Variants in NR3C2 observed in about 807,000 individuals in gnomAD.
NR3C2 encodes mineralocorticoid receptor.
NR3C2 carries 15 observed loss-of-function variants against 86.4 expected under a neutral mutation model. The ratio of observed to expected loss-of-function variants is 0.17; its 90% CI spans 0.12 to 0.27. The LOEUF is 0.27. Among genes scored for constraint, NR3C2 ranks in the 10% least tolerant of loss-of-function variants. The pLI, the probability that NR3C2 is intolerant of heterozygous loss-of-function variation, is 1.00. For missense variants in NR3C2, 960 were observed against 1,195.6 expected (o/e 0.80, Z 2.91); for synonymous variants, 458 against 450.5 (o/e 1.02, Z -0.21).
At chr4:148,386,856 T>TCCTGG (rs1747286482) in intron 2 of NR3C2, among the ~76,000 whole-genome samples, 1 of 152,166 alleles carries the variant, frequency 6.6e-6, no homozygotes, top group Non-Finnish European at 1.5e-5. Flanking sequence ...GTCATTCTCT[T>TCCTGG]ATACATGCCC....
intron 2 of NR3C2, among the ~76,000 whole-genome samples, chr4:148,402,320 C>G (rs1258016648): frequency 6.6e-6 from 1 of 152,160 alleles, no homozygotes; most frequent in African/African-American, 2.4e-5. Context: ...CAAGGTGAAG[C>G]ACTTAATACC....
intron 4 of NR3C2, among the ~76,000 whole-genome samples, chr4:148,158,853 A>G (rs1291866676): frequency 3.3e-5 from 5 of 152,166 alleles, no homozygotes; most frequent in Non-Finnish European, 7.4e-5. Context: ...TCGACATCAC[A>G]TTTAGCATTT....
intron 2 of NR3C2, among the ~76,000 whole-genome samples, chr4:148,313,100 A>G (rs776301686): frequency 5.9e-5 from 9 of 152,232 alleles, no homozygotes; most frequent in Non-Finnish European, 8.8e-5. Flanking sequence ...AGAATAAGCC[A>G]TACCTAAATG....
rs1736928246 is a variant in NR3C2 at position 148,204,973 on chromosome 4, C to G, written c.1898-10111G>C. The stretch of plus-strand genomic sequence containing the variant: ...TCTCAGTGATCAGATTTTTGCCCAA[C>G]CAGCTAATCCCTCAAGACCTCAAAA... On this transcript the variant is annotated intron_variant, in intron 3 of 8. Coordinates refer to ENST00000358102, the MANE Select transcript of NR3C2 (RefSeq NM_000901.5). Among the ~76,000 whole-genome samples the G allele has an allele frequency of 2.0e-5, 3 of 152,134 alleles. No homozygotes were observed. In the South Asian group the frequency reaches 6.2e-4, roughly 32 times the overall value.
At chr4:148,438,336 T>C (rs888102999) in intron 1 of NR3C2, among the ~76,000 whole-genome samples, 1 of 152,222 alleles carries the variant, frequency 6.6e-6, no homozygotes, top group Non-Finnish European at 1.5e-5. Context: ...CACCCTTGGC[T>C]GACAACCACC....
At chr4:148,096,394 A>T (rs1249502154) in intron 8 of NR3C2, among the ~76,000 whole-genome samples, 2 of 152,228 alleles carry the variant, frequency 1.3e-5, no homozygotes, top group African/African-American at 4.8e-5. Flanking sequence ...ACTTGTGTTT[A>T]TATGTTACCA....
intron 2 of NR3C2, among the ~76,000 whole-genome samples, chr4:148,384,576 C>T (rs766493991): frequency 2.6e-5 from 4 of 152,050 alleles, no homozygotes; most frequent in Admixed American, 2.6e-4. Flanking sequence ...GTACACATTC[C>T]AAACAAACAA....
chr4:148,289,170 AG>A (rs1741678239), intron 2 of NR3C2, among the ~76,000 whole-genome samples: 1 of 151,788 alleles, frequency 6.6e-6, no homozygotes. Flanking sequence ...TCACTAGGAT[AG>A]TAAGTTATGT....
Position 148,436,351 on chromosome 4 carries a change from G to C in NR3C2, c.510C>G (p.Ser170Arg), listed in dbSNP as rs1262812898. ...PLRSFMSDSG[S>R]SVNGGVMRAV... ...CGCGCATGACGCCACCATTCACGGA[G>C]CTCCCAGAGTCAGACATAAATGATC... is the stretch of plus-strand genomic sequence containing the variant. Residue 170 changes from serine to arginine, a missense_variant, in exon 2 of 9, where the codon AGC (serine) becomes AGG (arginine). This residue lies in a region of NR3C2 where 680 missense variants were observed against 719.0 expected (regional missense o/e 0.95). Coordinates refer to ENST00000358102, the MANE Select transcript of NR3C2 (RefSeq NM_000901.5). The C allele has an allele frequency of 1.9e-6, 3 of 1,614,068 alleles. No individual in the cohort carries two copies. The Admixed American group carries it at 5.0e-5, about 27-fold the overall frequency.
At chr4:148,415,224 G>A (rs1208229772) in intron 2 of NR3C2, among the ~76,000 whole-genome samples, 1 of 152,146 alleles carries the variant, frequency 6.6e-6, no homozygotes, top group Non-Finnish European at 1.5e-5. Flanking sequence ...GAACCTGAAA[G>A]AACCATTCTT....
intron 3 of NR3C2, among the ~76,000 whole-genome samples, chr4:148,211,145 A>G (rs2149816570): frequency 6.6e-6 from 1 of 152,378 alleles, no homozygotes; most frequent in African/African-American, 2.4e-5. Context: ...GTTGCAAACT[A>G]GTTAAAAGAA....
intron 6 of NR3C2, among the ~76,000 whole-genome samples, chr4:148,149,433 T>C (rs1293003186): frequency 1.3e-5 from 2 of 152,088 alleles, no homozygotes; most frequent in Admixed American, 1.3e-4. Flanking sequence ...TCCCCTAAGT[T>C]CCATTTACGA....
At chr4:148,312,342 T>C (rs1742943785) in intron 2 of NR3C2, among the ~76,000 whole-genome samples, 1 of 152,182 alleles carries the variant, frequency 6.6e-6, no homozygotes, top group Admixed American at 6.5e-5. Context: ...TATATATATA[T>C]CTTTGCATTC....
chr4:148,108,935 G>A (rs975820041), intron 8 of NR3C2, among the ~76,000 whole-genome samples: 2 of 152,194 alleles, frequency 1.3e-5, no homozygotes, highest in Non-Finnish European at 2.9e-5. Context: ...GGAGGGTGGT[G>A]CAGCTGTCCC....
intron 3 of NR3C2, among the ~76,000 whole-genome samples, chr4:148,240,650 T>C (rs1028799307): frequency 6.6e-6 from 1 of 152,184 alleles, no homozygotes; most frequent in African/African-American, 2.4e-5. Context: ...ACTTGTATCT[T>C]AAACCTATAG....
In NR3C2 at chr4:148,080,970, G is replaced by A; in HGVS notation, c.*374C>T. The A allele has an allele frequency of 3.1e-6, 1 of 327,404 alleles. No homozygotes were observed. The highest frequency in any genetic ancestry group is 2.7e-5 in the South Asian group (1 of 37,524). The allele number at this position is 327,404 out of a possible 1,614,324, so 20.3% of individuals were successfully genotyped here. ...ACCAAGGGTAAGCTTTAAAACGTTC[G>A]TTAGTCCTTGAACCCTTTTAAAACA... is the stretch of plus-strand genomic sequence containing the variant. On this transcript the variant is annotated 3_prime_UTR_variant, in exon 9 of 9. Transcript: ENST00000358102.
chr4:148,216,795 T>G (rs918514640), intron 3 of NR3C2, among the ~76,000 whole-genome samples: 1 of 152,190 alleles, frequency 6.6e-6, no homozygotes, highest in Non-Finnish European at 1.5e-5. Flanking sequence ...AAACAACTTA[T>G]TTATCTTGAA....
intron 2 of NR3C2, among the ~76,000 whole-genome samples, chr4:148,303,564 C>T (rs1318392126): frequency 6.6e-6 from 1 of 152,150 alleles, no homozygotes; most frequent in Non-Finnish European, 1.5e-5. Context: ...CTCAATTCCA[C>T]AGCTTCACCT....
intron 2 of NR3C2, among the ~76,000 whole-genome samples, chr4:148,309,855 T>A (rs1003350460): frequency 6.6e-6 from 1 of 152,138 alleles, no homozygotes; most frequent in South Asian, 2.1e-4. Flanking sequence ...ATAGTAACTA[T>A]AAATTTCATA....
Sources: allele counts gnomAD v4.1 joint callset (sites outside exome capture counted in the v4.1 genomes callset), GRCh38; gene constraint gnomAD v4.1.1; regional missense constraint gnomAD v4.1.1; transcripts MANE v1.5; gene names NCBI Gene and HGNC (gene_info 2026-07-23, HGNC 2026-07-21).